Variants in ALMS1 observed in about 807,000 individuals in gnomAD.
The protein encoded by ALMS1 is ALMS1 centrosome and basal body associated protein.
In ALMS1, 271 loss-of-function variants were observed where a neutral mutation model predicts 352.2. The observed-to-expected ratio is 0.77, with a 90% CI of 0.70 to 0.85. The LOEUF (loss-of-function observed/expected upper bound fraction) is 0.85. Ranked by LOEUF, ALMS1 falls within the 40% of genes least tolerant of loss-of-function variation. The probability of loss-of-function intolerance (pLI) is 0.00; values close to 1 mark genes in which losing one functional copy is unlikely to be tolerated. For missense variants in ALMS1, 5,445 were observed against 4,870.7 expected (o/e 1.12, Z -3.51); for synonymous variants, 1,865 against 1,761.2 (o/e 1.06, Z -1.48).
At chr2:73,579,288 G>A (rs1365269858) in intron 16 of ALMS1, among the ~76,000 whole-genome samples, 4 of 151,756 alleles carry the variant, frequency 2.6e-5, no homozygotes, top group Non-Finnish European at 4.4e-5. Context: ...TTAAACTCAC[G>A]ACCTCAGGTG....
intron 11 of ALMS1, among the ~76,000 whole-genome samples, chr2:73,521,669 G>C (rs1451049519): frequency 6.6e-6 from 1 of 150,698 alleles, no homozygotes; most frequent in Non-Finnish European, 1.5e-5. Flanking sequence ...AGGATGGCAT[G>C]AACCCAGGAG....
chr2:73,392,407 C>T (rs980697826), intron 1 of ALMS1, among the ~76,000 whole-genome samples: 26 of 151,908 alleles, frequency 1.7e-4, no homozygotes, highest in Admixed American at 1.7e-3. Context: ...GTGCACAATT[C>T]AGTCATTTTC....
chr2:73,557,479 C>A, intron 14 of ALMS1, 125 bp downstream of exon 14: 1 of 1,225,974 alleles, frequency 8.2e-7, no homozygotes, highest in Non-Finnish European at 1.2e-6. Context: ...TCTCTTCTAT[C>A]TCATGTATAT....
intron 1 of ALMS1, among the ~76,000 whole-genome samples, chr2:73,396,550 C>CTT (rs60473435): frequency 0.28 from 21,782 of 78,370 alleles, 4,218 homozygotes; most frequent in African/African-American, 0.5. Flanking sequence ...GGTCTGAGCT[C>CTT]TTTTTTTTTT....
chr2:73,590,043 TG>T (rs1274931570), intron 16 of ALMS1, among the ~76,000 whole-genome samples: 2 of 151,680 alleles, frequency 1.3e-5, no homozygotes, highest in Non-Finnish European at 2.9e-5. Flanking sequence ...GGAAGATAGG[TG>T]TTTTTTTTTT....
At chr2:73,494,263 G>T (rs1339979026) in intron 10 of ALMS1, among the ~76,000 whole-genome samples, 1 of 152,124 alleles carries the variant, frequency 6.6e-6, no homozygotes, top group African/African-American at 2.4e-5. Flanking sequence ...ACTGTCTAAA[G>T]CTCTCACCCA....
intron 6 of ALMS1, among the ~76,000 whole-genome samples, chr2:73,427,611 A>G (rs1316634446): frequency 3.3e-5 from 5 of 151,882 alleles, no homozygotes; most frequent in African/African-American, 7.3e-5. Context: ...TACATTAGGT[A>G]TTTCTCCTAA....
intron 9 of ALMS1, among the ~76,000 whole-genome samples, chr2:73,469,190 A>G (rs997819108): frequency 3.8e-4 from 58 of 151,216 alleles, no homozygotes; most frequent in South Asian, 1.0e-3. Flanking sequence ...ACAAGTTTAG[A>G]AAAAAAAACC....
chr2:73,545,231 A>T (rs551228669), intron 12 of ALMS1, among the ~76,000 whole-genome samples: 53 of 146,130 alleles, frequency 3.6e-4, no homozygotes, highest in Non-Finnish European at 6.0e-4. Context: ...CCCAGGCTGG[A>T]GTACAGTGGC....
chr2:73,532,060 G>A (rs1673927026), intron 11 of ALMS1, among the ~76,000 whole-genome samples: 1 of 152,208 alleles, frequency 6.6e-6, no homozygotes, highest in East Asian at 1.9e-4. Context: ...GGATTACCAG[G>A]TAGAGACTCT....
At chr2:73,518,776 G>A (rs1673611955) in intron 10 of ALMS1, among the ~76,000 whole-genome samples, 1 of 152,012 alleles carries the variant, frequency 6.6e-6, no homozygotes, top group South Asian at 2.1e-4. Flanking sequence ...AAAAGTGTCT[G>A]TCATGTCCTT....
At chr2:73,464,033 C>G (rs931540437) in intron 9 of ALMS1, among the ~76,000 whole-genome samples, 7 of 152,196 alleles carry the variant, frequency 4.6e-5, no homozygotes, top group Non-Finnish European at 7.3e-5. Context: ...GGAGCTGGTA[C>G]CATTCCTTCT....
Position 73,450,829 on chromosome 2 carries a change from G to T in ALMS1, c.4302G>T (p.Lys1434Asn), listed in dbSNP as rs753474160. The T allele has an allele frequency of 1.9e-6, 3 of 1,614,036 alleles. No individual in the cohort carries two copies. The highest frequency in any genetic ancestry group is 2.5e-6 in the Non-Finnish European group (3 of 1,179,966). Residue 1434 changes from lysine (K) to asparagine (N), a missense_variant, in exon 8 of 23, where the codon AAG becomes AAT. Coordinates refer to ENST00000613296, the MANE Select transcript of ALMS1 (RefSeq NM_001378454.1). ...LPSTFYSHTE[K>N]PGSFYQQVLP... ...CTACTTTCTACTCACACACAGAGAA[G>T]CCTGGTAGTTTCTACCAACAGGTCT... is the stretch of plus-strand genomic sequence containing the variant.
intron 12 of ALMS1, among the ~76,000 whole-genome samples, chr2:73,549,346 T>A (rs1674382763): frequency 6.6e-6 from 1 of 152,214 alleles, no homozygotes; most frequent in Admixed American, 6.5e-5. Flanking sequence ...CAGATTAATC[T>A]TCTGGAAACA....
chr2:73,549,150 T>C (rs998988976), intron 12 of ALMS1, among the ~76,000 whole-genome samples: 1 of 152,222 alleles, frequency 6.6e-6, no homozygotes, highest in African/African-American at 2.4e-5. Context: ...CATAGGAGAT[T>C]AGTATAAGCC....
In ALMS1 at chr2:73,450,791, C is replaced by T; in HGVS notation, c.4264C>T (p.Pro1422Ser). 3 of 1,613,206 alleles carry T rather than the reference C, an allele frequency of 1.9e-6. No individual in the cohort carries two copies. The highest frequency in any genetic ancestry group is 2.5e-6 in the Non-Finnish European group (3 of 1,179,610). Residue 1422 changes from proline to serine, a missense_variant, in exon 8 of 23, where the codon CCA becomes TCA. Pro to Ser is a moderately conservative substitution (Grantham distance 74, BLOSUM62 -1). Coordinates refer to ENST00000613296, the MANE Select transcript of ALMS1 (RefSeq NM_001378454.1). ...ACCAGGTGACCGGAAGACTGGGATA[C>T]CAACTTTACCCTCTACTTTCTACTC... ...PGPGDRKTGI[P>S]TLPSTFYSHT...
In ALMS1 at chr2:73,448,421, T is replaced by C. The variant is rs1671851354; in HGVS notation, c.1894T>C (p.Tyr632His). 1 of 1,614,020 alleles carries C rather than the reference T, an allele frequency of 6.2e-7. No individual in the cohort carries two copies. ...ACATAGAGAGAAGCCTGGTACTTTT[T>C]ACCAACAAGAGTTACCAGAGAGTAA... ...YSHREKPGTF[Y>H]QQELPESNLT... The change falls in exon 8 of 23, where the codon TAC (tyrosine) becomes CAC (histidine). Residue 632 changes from tyrosine (Y) to histidine (H), a missense_variant. By Grantham distance (83) the Tyr-to-His change is moderately conservative (BLOSUM62 2). Transcript: ENST00000613296.
At chr2:73,414,617 T>A (rs1354673097) in intron 2 of ALMS1, among the ~76,000 whole-genome samples, 2 of 151,918 alleles carry the variant, frequency 1.3e-5, no homozygotes, top group Non-Finnish European at 2.9e-5. Flanking sequence ...ATACAGTGAA[T>A]ACTTTTCTGT....
At chr2:73,589,175 G>T (rs1345956837) in intron 16 of ALMS1, among the ~76,000 whole-genome samples, 1 of 151,786 alleles carries the variant, frequency 6.6e-6, no homozygotes, top group Non-Finnish European at 1.5e-5. Context: ...CATAAAAGTT[G>T]TTTTTGTTTA....
Sources: gnomAD v4.1 joint callset for allele counts (sites outside exome capture counted in the v4.1 genomes callset) on GRCh38, gnomAD v4.1.1 for gene constraint, MANE v1.5 for transcripts, NCBI Gene and HGNC (gene_info 2026-07-23, HGNC 2026-07-21) for gene names.